Variants in DNAH9 observed in about 807,000 individuals in gnomAD.
DNAH9 encodes the protein dynein axonemal heavy chain 9, also known as DNAH9 variant protein.
In DNAH9, 345 loss-of-function variants were observed where a neutral mutation model predicts 471.6. The ratio of observed to expected loss-of-function variants is 0.73; its 90% CI spans 0.67 to 0.80. The LOEUF (loss-of-function observed/expected upper bound fraction) is 0.80. Among genes scored for constraint, DNAH9 ranks in the 30% least tolerant of loss-of-function variants. The probability of loss-of-function intolerance (pLI) is 0.00; values close to 1 mark genes in which losing one functional copy is unlikely to be tolerated. For missense variants in DNAH9, 5,407 were observed against 5,609.2 expected, an observed-to-expected ratio of 0.96 and a Z score of 1.15; for synonymous variants, 2,093 against 2,123.6, an observed-to-expected ratio of 0.99 and a Z score of 0.40.
intron 50 of DNAH9, among the ~76,000 whole-genome samples, chr17:11,857,336 A>G (rs1372261905): frequency 6.6e-6 from 1 of 151,988 alleles, no homozygotes; most frequent in African/African-American, 2.4e-5. Flanking sequence ...GCTTTTAACA[A>G]CCTCCTCTCC....
At chr17:11,694,049 T>C in intron 21 of DNAH9, 51 bp downstream of exon 21, 2 of 1,597,376 alleles carry the variant, frequency 1.3e-6, no homozygotes, top group Non-Finnish European at 1.7e-6. Flanking sequence ...TCATTTCCTT[T>C]TCCCCATCGT....
Position 11,907,682 on chromosome 17 carries a change from C to T in DNAH9, c.11749+1873C>T, listed in dbSNP as rs150432911. On this transcript the variant is annotated intron_variant, in intron 61 of 68. Transcript: ENST00000262442. ...GATTATGGAATGAAAGAACTAACAG[C>T]ATATGCTTTGTGCCTCAGGGGAGGA... Among the ~76,000 whole-genome samples, 6 of 152,190 alleles carry T rather than the reference C, an allele frequency of 3.9e-5. No individual in the cohort carries two copies. The East Asian group carries it at 1.2e-3, about 29-fold the overall frequency.
In DNAH9 at chr17:11,762,767, T is replaced by TTTTTGTTG. The variant is rs1460528522; in HGVS notation, c.6996-671_6996-670insTTGTTGTT. 2.6e-4 allele frequency among the ~76,000 whole-genome samples: 20 copies of TTTTTGTTG among 77,632 alleles called. 1 individual carries two copies. Among genetic ancestry groups the TTTTTGTTG allele is most frequent in the Non-Finnish European group, 5.5e-4 (18 of 32,834 alleles). The allele number at this position is 77,632 out of a possible 152,430, so 50.9% of individuals were successfully genotyped here. On this transcript the variant is annotated intron_variant, in intron 35 of 68. Transcript: ENST00000262442. Reference sequence around the variant, plus strand: ...TTGCCTCTTTAGGTGCGTTTTTTTTTTTGTTTTTTTTTTTTTTTTTTTTTT... The same window carrying TTTTTGTTG: ...TTGCCTCTTTAGGTGCGTTTTTTTTTTTTTGTTGTTGTTTTTTTTTTTTTTTTTTTTTT...
intron 52 of DNAH9, among the ~76,000 whole-genome samples, chr17:11,873,224 G>A (rs1414480374): frequency 6.6e-6 from 1 of 152,232 alleles, no homozygotes; most frequent in African/African-American, 2.4e-5. Context: ...GAATGAAGAA[G>A]AAGAGCTCAG....
At chr17:11,930,765 C>CAAAAAAAAAAAAAAAAAAAAAAAAAAA (rs11371438) in intron 63 of DNAH9, among the ~76,000 whole-genome samples, 3 of 125,218 alleles carry the variant, frequency 2.4e-5, no homozygotes, top group African/African-American at 9.5e-5. Context: ...ACTCCATCTC[C>CAAAAAAAAAAAAAAAAAAAAAAAAAAA]AAAAAAAAAA....
intron 31 of DNAH9, among the ~76,000 whole-genome samples, chr17:11,746,981 C>T (rs540361980): frequency 4.6e-5 from 7 of 152,036 alleles, no homozygotes; most frequent in Admixed American, 2.0e-4. Context: ...AAATGACAGC[C>T]GTTAGCAGGC....
chr17:11,837,542 AC>A (rs1294260030), intron 49 of DNAH9, among the ~76,000 whole-genome samples: 4 of 152,232 alleles, frequency 2.6e-5, no homozygotes, highest in Non-Finnish European at 5.9e-5. Flanking sequence ...GGTCCAAGCC[AC>A]CATCATCTCT....
At chr17:11,802,542 G>A (rs1280364395) in intron 43 of DNAH9, among the ~76,000 whole-genome samples, 1 of 151,354 alleles carries the variant, frequency 6.6e-6, no homozygotes, top group African/African-American at 2.4e-5. Context: ...TGAAGCAGGA[G>A]AATCACTTGA....
At chr17:11,904,608 G>T (rs958264724) in intron 60 of DNAH9, among the ~76,000 whole-genome samples, 1 of 139,606 alleles carries the variant, frequency 7.2e-6, no homozygotes, top group African/African-American at 2.8e-5. Flanking sequence ...TCCAGCCTGG[G>T]CGACAGAGTG....
At chr17:11,730,759 G>GTGATGA (rs59099864) in intron 28 of DNAH9, among the ~76,000 whole-genome samples, 165 of 151,090 alleles carry the variant, frequency 1.1e-3, no homozygotes, top group African/African-American at 3.0e-3. Flanking sequence ...GGTGATGTTA[G>GTGATGA]TGATGATGAT....
chr17:11,644,315 C>G (rs2073336936), intron 10 of DNAH9, among the ~76,000 whole-genome samples: 1 of 152,072 alleles, frequency 6.6e-6, no homozygotes, highest in South Asian at 2.1e-4. Flanking sequence ...CTCAATTTCC[C>G]TTTTATTCAG....
At chr17:11,826,193 G>A (rs904954212) in intron 48 of DNAH9, among the ~76,000 whole-genome samples, 11 of 152,050 alleles carry the variant, frequency 7.2e-5, no homozygotes, top group Admixed American at 2.0e-4. Flanking sequence ...GTTTGGCCTC[G>A]TTTGCATTGC....
chr17:11,962,816 C>G lies in DNAH9; in HGVS notation c.13233+560C>G, dbSNP rs1976339122. 6.6e-6 allele frequency among the ~76,000 whole-genome samples: 1 copy of G among 152,074 alleles called. No individual in the cohort carries two copies. Among genetic ancestry groups the G allele is most frequent in the Admixed American group, 6.6e-5 (1 of 15,266 alleles). On this transcript the variant is annotated intron_variant, in intron 68 of 68. Coordinates refer to ENST00000262442, the MANE Select transcript of DNAH9 (RefSeq NM_001372.4). This position sits in a 1 kb window ranked among gnomAD's most constrained non-coding sequence, Gnocchi z 4.1. ...TCCACTTTCCACATTCATGAGCTCT[C>G]AAAGGGCAGGAATCTTCTGCCTTTT...
chr17:11,877,043 T>C (rs1054827441), intron 53 of DNAH9, among the ~76,000 whole-genome samples: 3 of 151,946 alleles, frequency 2.0e-5, no homozygotes, highest in African/African-American at 7.3e-5. Flanking sequence ...AGAACAGTTC[T>C]GTGAATGGAT....
Position 11,781,078 on chromosome 17 carries a change from T to C in DNAH9, c.7622T>C (p.Ile2541Thr), listed in dbSNP as rs749648243. 2 of 1,614,190 alleles carry C rather than the reference T, an allele frequency of 1.2e-6. No individual in the cohort carries two copies. Among genetic ancestry groups the C allele is most frequent in the South Asian group, 2.2e-5 (2 of 91,072 alleles). The change falls in exon 39 of 69, where the codon ATC (isoleucine) becomes ACC (threonine). Residue 2541 changes from isoleucine (I) to threonine (T), a missense_variant. This residue lies in a region of DNAH9 where 4,636 missense variants were observed against 4,900.3 expected (regional missense o/e 0.95). Transcript: ENST00000262442. ...NYGPPGNKKL[I>T]YFIDDMNMPE... ...GGCCCTCCAGGGAACAAGAAACTCA[T>C]CTATTTCATTGATGACATGAACATG...
intron 35 of DNAH9, among the ~76,000 whole-genome samples, chr17:11,762,447 C>T (rs1451298496): frequency 6.6e-6 from 1 of 152,102 alleles, no homozygotes; most frequent in Admixed American, 6.5e-5. Context: ...CATGCTCCTG[C>T]TGCATGAGGC....
intron 35 of DNAH9, among the ~76,000 whole-genome samples, chr17:11,759,096 TTTC>T (rs201864129): frequency 0.77 from 100,417 of 130,642 alleles, 37,158 homozygotes; most frequent in Middle Eastern, 0.84. Context: ...CTTTTTTTTT[TTTC>T]TTTTTTTGAG....
Position 11,669,442 on chromosome 17 carries a change from G to A in DNAH9, c.3001G>A (p.Gly1001Ser), listed in dbSNP as rs770073251. Residue 1001 changes from glycine to serine, a missense_variant, in exon 17 of 69, where the codon GGC (glycine) becomes AGC (serine). This residue lies in a region of DNAH9 where 4,636 missense variants were observed against 4,900.3 expected (regional missense o/e 0.95). Transcript: ENST00000262442. ...TLMERVQRMM[G>S]LCCGYQSTFS... ...CATGGAGAGAGTCCAGAGAATGATG[G>A]GCCTCTGCTGTGGCTATCAGAGCAC... 6.2e-7 allele frequency: 1 copy of A among 1,614,064 alleles called. No individual in the cohort carries two copies. Among genetic ancestry groups the A allele is most frequent in the South Asian group, 1.1e-5 (1 of 91,076 alleles).
At chr17:11,606,447 T>TTG (rs2072507269) in intron 1 of DNAH9, among the ~76,000 whole-genome samples, 1 of 102,098 alleles carries the variant, frequency 9.8e-6, no homozygotes, top group Non-Finnish European at 2.0e-5. Flanking sequence ...TCTTTTCTTT[T>TTG]CTTTTCTTTT....
Sources: gnomAD v4.1 joint callset for allele counts (sites outside exome capture counted in the v4.1 genomes callset) on GRCh38, gnomAD v4.1.1 for gene constraint, gnomAD v4.1.1 regional missense constraint, Gnocchi (gnomAD v3.1) non-coding constraint, MANE v1.5 for transcripts, NCBI Gene and HGNC (gene_info 2026-07-23, HGNC 2026-07-21) for gene names.